CHD6: variants seen among roughly 807,000 people sequenced by gnomAD.
CHD6 encodes the protein ATP-dependent chromatin remodeler CHD6.
CHD6 carries 50 observed loss-of-function variants against 276.9 expected under a neutral mutation model. The ratio of observed to expected loss-of-function variants is 0.18; its 90% CI spans 0.14 to 0.23. The LOEUF is 0.23. CHD6 is among the 10% of genes least tolerant of loss of function. The pLI, the probability that CHD6 is intolerant of heterozygous loss-of-function variation, is 1.00. For synonymous variants in CHD6, 1,173 were observed against 1,229.3 expected (o/e 0.95, Z 0.96); for missense variants, 2,564 against 3,365.8 (o/e 0.76, Z 5.89).
At chr20:41,571,178 T>C (rs1333271819) in intron 1 of CHD6, among the ~76,000 whole-genome samples, 5 of 151,978 alleles carry the variant, frequency 3.3e-5, no homozygotes, top group African/African-American at 4.8e-5. Context: ...ATGACAAAGA[T>C]AAAAGCAAAG....
At chr20:41,585,642 CT>C (rs2045587112) in intron 1 of CHD6, among the ~76,000 whole-genome samples, 1 of 151,898 alleles carries the variant, frequency 6.6e-6, no homozygotes, top group Admixed American at 6.6e-5. Flanking sequence ...GTGAATTTTA[CT>C]GTATTTAAGG....
intron 2 of CHD6, among the ~76,000 whole-genome samples, chr20:41,538,784 C>T (rs1217245579): frequency 6.6e-6 from 1 of 152,120 alleles, no homozygotes; most frequent in African/African-American, 2.4e-5. Flanking sequence ...TTTATGTTGC[C>T]TCAACATCCA....
In CHD6 at chr20:41,404,881, T is replaced by C. The variant is rs368641098; in HGVS notation, c.7860A>G (p.Gly2620=). 1 of 1,613,724 alleles carries C rather than the reference T, an allele frequency of 6.2e-7. No individual in the cohort carries two copies. The highest frequency in any genetic ancestry group is 1.3e-5 in the African/African-American group (1 of 74,866). ...NPFLIPGVSP[G]LIYPSMFLSP... is the part of the protein sequence containing the mutation. The stretch of plus-strand genomic sequence containing the variant: ...AGAGGAACATGGATGGGTAAATGAG[T>C]CCAGGAGATACTCCTGGGATGAGAA... Residue 2620 remains glycine, a synonymous_variant, in exon 37 of 37, where the codon GGA becomes GGG. Transcript: ENST00000373233.
intron 17 of CHD6, among the ~76,000 whole-genome samples, chr20:41,464,667 A>T (rs1376644980): frequency 6.6e-6 from 1 of 152,228 alleles, no homozygotes; most frequent in African/African-American, 2.4e-5. Flanking sequence ...GTATGCATAC[A>T]TCTGTTTCCT....
intron 34 of CHD6, 38 bp from the exon 35 acceptor site, chr20:41,413,553 C>T (rs1451889431): frequency 1.4e-6 from 2 of 1,418,564 alleles, no homozygotes; most frequent in Non-Finnish European, 1.9e-6. Context: ...AATCACGACA[C>T]AATGAAAATT....
rs1269244562 is a variant in CHD6, at chr20:41,402,434, G to A, written c.*2159C>T. Reference sequence around the variant, plus strand: ...ATTGAGCATGCTGGTGGGTTTTTAAGTCAGATCCACATTGAACCCTGTGAC... The same window carrying A: ...ATTGAGCATGCTGGTGGGTTTTTAAATCAGATCCACATTGAACCCTGTGAC... On this transcript the variant is annotated 3_prime_UTR_variant, in exon 37 of 37. Transcript: ENST00000373233. 2 of 230,508 alleles carry A rather than the reference G, an allele frequency of 8.7e-6. No individual in the cohort carries two copies. The highest frequency in any genetic ancestry group is 1.7e-5 in the Non-Finnish European group (2 of 116,436). The allele number at this position is 230,508 out of a possible 1,614,324, so 14.3% of individuals were successfully genotyped here.
intron 10 of CHD6, among the ~76,000 whole-genome samples, chr20:41,492,542 A>G (rs892655832): frequency 6.6e-6 from 1 of 152,250 alleles, no homozygotes; most frequent in Non-Finnish European, 1.5e-5. Context: ...AAAAATGGCA[A>G]TGTTTTTTTA....
chr20:41,581,320 G>A (rs1398560903), intron 1 of CHD6, among the ~76,000 whole-genome samples: 2 of 152,110 alleles, frequency 1.3e-5, no homozygotes, highest in Non-Finnish European at 2.9e-5. Flanking sequence ...TCAAATCCAG[G>A]CAGTCTGGTT....
chr20:41,605,951 A>C (rs1358245763), intron 1 of CHD6, among the ~76,000 whole-genome samples: 1 of 152,238 alleles, frequency 6.6e-6, no homozygotes, highest in Non-Finnish European at 1.5e-5. Flanking sequence ...GAGGAATTCA[A>C]GGTACAAAGA....
At position 41,402,847 on chromosome 20, in the gene CHD6, T is replaced by A. The variant is rs564429593; in HGVS notation, c.*1746A>T. On this transcript the variant is annotated 3_prime_UTR_variant, in exon 37 of 37. Coordinates refer to ENST00000373233, the MANE Select transcript of CHD6 (RefSeq NM_032221.5). ...ATTTCTAAGAAATCTGTGGTCAGCA[T>A]TATAGACCATCTATGCTACAAGGAT... 4.8e-6 allele frequency: 1 copy of A among 209,214 alleles called. No homozygotes were observed. The highest frequency in any genetic ancestry group is 2.3e-5 in the African/African-American group (1 of 44,010). 13.0% of individuals were successfully genotyped at this position (209,214 alleles called of 1,614,324 possible).
intron 1 of CHD6, among the ~76,000 whole-genome samples, chr20:41,600,545 A>C (rs1331047172): frequency 6.6e-6 from 1 of 152,200 alleles, no homozygotes; most frequent in Non-Finnish European, 1.5e-5. Context: ...CTAAAAGAAT[A>C]ATCAAGCAGT....
chr20:41,451,130 C>A, intron 22 of CHD6, 25 bp from the exon 23 acceptor site: 1 of 1,607,096 alleles, frequency 6.2e-7, no homozygotes, highest in Non-Finnish European at 8.5e-7. Context: ...CAGCATAGGG[C>A]AAGTGGATAG....
At chr20:41,448,769 A>G (rs1259126295) in intron 23 of CHD6, among the ~76,000 whole-genome samples, 4 of 152,350 alleles carry the variant, frequency 2.6e-5, no homozygotes, top group Admixed American at 2.0e-4. Context: ...ATCTGGGTAG[A>G]AAGTGCCACT....
chr20:41,522,842 G>A (rs2044437056), intron 3 of CHD6, among the ~76,000 whole-genome samples: 1 of 152,094 alleles, frequency 6.6e-6, no homozygotes, highest in African/African-American at 2.4e-5. Context: ...AAAGAGCTCT[G>A]GCAGAAGGTC....
At position 41,473,135 on chromosome 20, in the gene CHD6, T is replaced by G; in HGVS notation, c.2664+187A>C. ...ATTTAACGGAAAGAACCACACTCTCTAATTAGTTGGAAGGGTCGACATTTA... is the reference window on the plus strand; with the variant it reads ...ATTTAACGGAAAGAACCACACTCTCGAATTAGTTGGAAGGGTCGACATTTA... On this transcript the variant is annotated intron_variant, in intron 17 of 36. Coordinates refer to ENST00000373233, the MANE Select transcript of CHD6 (RefSeq NM_032221.5). The surrounding 1 kb of genome is among the most constrained non-coding windows in gnomAD (Gnocchi z 4.1). The G allele has an allele frequency of 1.8e-6, 1 of 543,954 alleles. No homozygotes were observed. The highest frequency in any genetic ancestry group is 2.9e-5 in the South Asian group (1 of 34,122). The allele number at this position is 543,954 out of a possible 1,614,324, so 33.7% of individuals were successfully genotyped here.
At chr20:41,451,794 T>C (rs758218112) in intron 22 of CHD6, 32 bp downstream of exon 22, 18 of 1,598,620 alleles carry the variant, frequency 1.1e-5, no homozygotes, top group East Asian at 6.7e-5. Flanking sequence ...ATGGGAATCG[T>C]GCTTCTTAGG....
intron 27 of CHD6, among the ~76,000 whole-genome samples, chr20:41,430,981 A>G (rs1339398777): frequency 6.6e-6 from 1 of 150,968 alleles, no homozygotes; most frequent in Non-Finnish European, 1.5e-5. Context: ...GTACAGGCGC[A>G]TGCCACCACA....
chr20:41,450,733 G>A (rs2048213158), intron 23 of CHD6, among the ~76,000 whole-genome samples: 1 of 152,190 alleles, frequency 6.6e-6, no homozygotes, highest in African/African-American at 2.4e-5. Context: ...AGAGGGGCCA[G>A]GTTCTGCGGG....
intron 24 of CHD6, 40 bp downstream of exon 24, chr20:41,447,842 A>T: frequency 6.9e-7 from 1 of 1,447,546 alleles, no homozygotes; most frequent in Non-Finnish European, 9.6e-7. Context: ...ATTTTATGTC[A>T]ATTCTTTAAC....
Sources: gnomAD v4.1 joint callset for allele counts (sites outside exome capture counted in the v4.1 genomes callset) on GRCh38, gnomAD v4.1.1 for gene constraint, Gnocchi (gnomAD v3.1) non-coding constraint, MANE v1.5 for transcripts, NCBI Gene and HGNC (gene_info 2026-07-23, HGNC 2026-07-21) for gene names.